The following FAM210B variants were observed in gnomAD, a reference collection of about 807,000 sequenced individuals.
FAM210B encodes the protein family with sequence similarity 210 member B.
In FAM210B, 11 loss-of-function variants were observed where a neutral mutation model predicts 14.9. The ratio of observed to expected loss-of-function variants is 0.74; its 90% CI spans 0.46 to 1.22. The LOEUF is 1.22. FAM210B is among the 50% of genes most tolerant of loss of function. The pLI, the probability that FAM210B is intolerant of heterozygous loss-of-function variation, is 0.00. For missense variants in FAM210B, 229 were observed against 250.1 expected (o/e 0.92, Z 0.57); for synonymous variants, 113 against 110.2 (o/e 1.03, Z -0.16).
In FAM210B at chr20:56,363,151, A is replaced by G. The variant is rs6024830; in HGVS notation, c.187-1936A>G. Among the ~76,000 whole-genome samples, 64,665 of 152,114 alleles carry G rather than the reference A, an allele frequency of 0.43. 16,304 individuals carry two copies. Among genetic ancestry groups the G allele is most frequent in the African/African-American group, 0.69 (28,587 of 41,510 alleles). The stretch of plus-strand genomic sequence containing the variant: ...CCCTCCTCCCCTCCAGAGCCTGGAC[A>G]TTCTGGAAAAGTGTCTTCCTTTAAG... On this transcript the variant is annotated intron_variant, in intron 1 of 2. Coordinates refer to ENST00000371384, the MANE Select transcript of FAM210B (RefSeq NM_080821.3). This position sits in a 1 kb window ranked among gnomAD's most constrained non-coding sequence, Gnocchi z 4.1.
rs185676343 is a variant in FAM210B, at chr20:56,363,358, G to C, written c.187-1729G>C. 3.4e-3 allele frequency among the ~76,000 whole-genome samples: 521 copies of C among 152,280 alleles called. 4 individuals are homozygous for C. Among genetic ancestry groups the C allele is most frequent in the African/African-American group, 0.012 (505 of 41,548 alleles). ...GGTTCCTGGGTCATGAGGCAGTGAG[G>C]GATTTATGAAATGACGCCTTTGAAG... On this transcript the variant is annotated intron_variant, in intron 1 of 2. Transcript: ENST00000371384. This position sits in a 1 kb window ranked among gnomAD's most constrained non-coding sequence, Gnocchi z 4.1.
At chr20:56,364,606 C>T (rs1421889457) in intron 1 of FAM210B, among the ~76,000 whole-genome samples, 1 of 152,190 alleles carries the variant, frequency 6.6e-6, no homozygotes, top group Non-Finnish European at 1.5e-5. Flanking sequence ...TTCTGCCAGC[C>T]ATACCTAGTT....
rs576896325 is a variant in FAM210B, at chr20:56,365,370, C to T, written c.362+108C>T. Reference sequence around the variant, plus strand: ...TTTTTTTTAAGACAGGGTCTCACTCCACTGCCCAGGCTGGAGTGCAGTGGC... The same window carrying T: ...TTTTTTTTAAGACAGGGTCTCACTCTACTGCCCAGGCTGGAGTGCAGTGGC... On this transcript the variant is annotated intron_variant, in intron 2 of 2. Transcript: ENST00000371384. 2.8e-4 allele frequency: 347 copies of T among 1,234,524 alleles called. 2 individuals are homozygous for T. The African/African-American group carries it at 4.8e-3, about 17-fold the overall frequency. The allele number at this position is 1,234,524 out of a possible 1,614,324, so 76.5% of individuals were successfully genotyped here. A position where few individuals can be genotyped will look rare whatever the true frequency, so the allele number is the denominator to read the frequency against.
intron 1 of FAM210B, among the ~76,000 whole-genome samples, chr20:56,361,528 G>C (rs6024826): frequency 8.4e-4 from 128 of 152,242 alleles, no homozygotes; most frequent in African/African-American, 3.0e-3. Flanking sequence ...CCCAGACTCA[G>C]CGAGTTTGGA....
Position 56,365,045 on chromosome 20 carries a change from T to C in FAM210B, c.187-42T>C, listed in dbSNP as rs186814879. The C allele has an allele frequency of 2.3e-5, 36 of 1,582,848 alleles. 1 individual carries two copies. The Admixed American group carries it at 6.1e-4, about 27-fold the overall frequency. ...TATAAAAGCCGGTAATGACTGCCCGTGCCTGCCCTAAAGCACCTCCTCTTC... is the reference window on the plus strand; with the variant it reads ...TATAAAAGCCGGTAATGACTGCCCGCGCCTGCCCTAAAGCACCTCCTCTTC... On this transcript the variant is annotated intron_variant, in intron 1 of 2. Coordinates refer to ENST00000371384, the MANE Select transcript of FAM210B (RefSeq NM_080821.3).
chr20:56,360,548 C>G (rs1287377248), intron 1 of FAM210B: 2 of 215,746 alleles, frequency 9.3e-6, no homozygotes, highest in Non-Finnish European at 1.9e-5. Flanking sequence ...ATTCCCTTCT[C>G]TCTATCTCAG....
In FAM210B at chr20:56,366,296, T is replaced by A. The variant is rs770290647; in HGVS notation, c.*9T>A. On this transcript the variant is annotated 3_prime_UTR_variant, in exon 3 of 3. Transcript: ENST00000371384. ...CAGCTGCAAAACCTTAATGAACTCT[T>A]CAGTCGTACACACTGAAAACCTATT... 3 of 1,611,742 alleles carry A rather than the reference T, an allele frequency of 1.9e-6. No homozygotes were observed. In the African/African-American group the frequency reaches 4.0e-5, roughly 22 times the overall value.
At chr20:56,365,893 C>T (rs1983624133) in intron 2 of FAM210B, among the ~76,000 whole-genome samples, 178 bp from the exon 3 acceptor site, 1 of 146,568 alleles carries the variant, frequency 6.8e-6, no homozygotes, top group Non-Finnish European at 1.5e-5. Flanking sequence ...ATCCTCCCAC[C>T]TCGGCCTCCC....
intron 1 of FAM210B, among the ~76,000 whole-genome samples, chr20:56,364,338 C>T (rs1432187467): frequency 6.6e-6 from 1 of 152,212 alleles, no homozygotes; most frequent in African/African-American, 2.4e-5. Context: ...ATGGCCCTTG[C>T]CTCCATAAGC....
chr20:56,361,227 T>A (rs1393522069), intron 1 of FAM210B, among the ~76,000 whole-genome samples: 1 of 152,132 alleles, frequency 6.6e-6, no homozygotes, highest in East Asian at 1.9e-4. Context: ...CAGTGGCACC[T>A]TTTCAGGGAG....
At chr20:56,360,454 G>GGT (rs1043708573) in intron 1 of FAM210B, 15 of 340,544 alleles carry the variant, frequency 4.4e-5, no homozygotes, top group African/African-American at 3.2e-4. Flanking sequence ...GCACTGGAGC[G>GGT]GTGTGTGTGT....
chr20:56,364,075 T>G (rs1983583856), intron 1 of FAM210B, among the ~76,000 whole-genome samples: 1 of 152,180 alleles, frequency 6.6e-6, no homozygotes, highest in African/African-American at 2.4e-5. Context: ...TCAGAGAAAA[T>G]GCTTGATAAA....
At chr20:56,365,567 G>A (rs111264879) in intron 2 of FAM210B, among the ~76,000 whole-genome samples, 11 of 152,172 alleles carry the variant, frequency 7.2e-5, no homozygotes, top group African/African-American at 1.2e-4. Flanking sequence ...GTGCAGTGGC[G>A]TGATCTCGGC....
intron 1 of FAM210B, among the ~76,000 whole-genome samples, chr20:56,361,286 G>A (rs1312364856): frequency 2.0e-5 from 3 of 152,058 alleles, no homozygotes; most frequent in Admixed American, 6.5e-5. Context: ...CCTGTCTCCC[G>A]CCCCATTGGT....
At chr20:56,365,978 A>G (rs895235893) in intron 2 of FAM210B, 93 bp from the exon 3 acceptor site, 2 of 866,836 alleles carry the variant, frequency 2.3e-6, no homozygotes, top group Non-Finnish European at 3.3e-6. Flanking sequence ...ACTTCATTAC[A>G]TTTTTTAAAA....
At position 56,366,282 on chromosome 20, in the gene FAM210B, C is replaced by T; in HGVS notation, c.574C>T (p.Pro192Ser). ...ATTTTTTAAACCTCCAGCTGCAAAACCTTAATGAACTCTTCAGTCGTACAC... is the reference window on the plus strand; with the variant it reads ...ATTTTTTAAACCTCCAGCTGCAAAATCTTAATGAACTCTTCAGTCGTACAC... ...VGFFKPPAAK[P>S] is the part of the protein sequence containing the mutation. The change falls in exon 3 of 3, where the codon CCT becomes TCT. Residue 192 changes from proline to serine, a missense_variant. Physicochemically the swap from Pro to Ser is moderately conservative, Grantham distance 74. Coordinates refer to ENST00000371384, the MANE Select transcript of FAM210B (RefSeq NM_080821.3). The T allele has an allele frequency of 7.4e-6, 12 of 1,613,688 alleles. No individual in the cohort carries two copies. The highest frequency in any genetic ancestry group is 1.0e-5 in the Non-Finnish European group (12 of 1,179,632).
rs780575478 is a variant in FAM210B at position 56,365,104 on chromosome 20, G to C, written c.204G>C (p.Thr68=). 5 of 1,613,120 alleles carry C rather than the reference G, an allele frequency of 3.1e-6. No individual in the cohort carries two copies. The highest frequency in any genetic ancestry group is 4.2e-6 in the Non-Finnish European group (5 of 1,179,938). The change falls in exon 2 of 3, where the codon ACG becomes ACC. Residue 68 remains threonine (T), a synonymous_variant. Transcript: ENST00000371384. ...GTACACAGGACCCCAGCCAGGCCAC[G>C]GGGACAACAGGCAGCAGCGTCAGCT... ...CRGHQDPSQA[T]GTTGSSVSCT... is the part of the protein sequence containing the mutation.
chr20:56,361,681 A>T (rs1395500867), intron 1 of FAM210B, among the ~76,000 whole-genome samples: 2 of 152,098 alleles, frequency 1.3e-5, no homozygotes. Flanking sequence ...TCCTTTTTTT[A>T]AAATTAGAGA....
Position 56,367,320 on chromosome 20 carries a change from TAGAG to T in FAM210B, c.*1037_*1040del, listed in dbSNP as rs1193155986. On this transcript the variant is annotated 3_prime_UTR_variant, in exon 3 of 3. Coordinates refer to ENST00000371384, the MANE Select transcript of FAM210B (RefSeq NM_080821.3). ...TTTACCCAATGAAGGGCATATGTGTTAGAGAGATTAGCTAAGAGTAGAAATTCGA... is the reference window on the plus strand; with the variant it reads ...TTTACCCAATGAAGGGCATATGTGTTAGATTAGCTAAGAGTAGAAATTCGA... 2 of 152,188 alleles carry T rather than the reference TAGAG, an allele frequency of 1.3e-5. No individual in the cohort carries two copies. Among genetic ancestry groups the T allele is most frequent in the Non-Finnish European group, 2.9e-5 (2 of 68,074 alleles). The allele number at this position is 152,188 out of a possible 1,614,324, so 9.4% of individuals were successfully genotyped here. A position where few individuals can be genotyped will look rare whatever the true frequency, so the allele number is the denominator to read the frequency against.
Sources: allele counts gnomAD v4.1 joint callset (sites outside exome capture counted in the v4.1 genomes callset), GRCh38; gene constraint gnomAD v4.1.1; non-coding constraint Gnocchi (gnomAD v3.1); transcripts MANE v1.5; gene names NCBI Gene and HGNC (gene_info 2026-07-23, HGNC 2026-07-21).